OR2C1: variants seen among roughly 807,000 people sequenced by gnomAD.
OR2C1 encodes olfactory receptor family 2 subfamily C member 1, also known as olfactory receptor 2C1.
For missense variants in OR2C1, 468 were observed against 388.3 expected (o/e 1.21, Z -1.73); for synonymous variants, 209 against 167.3 (o/e 1.25, Z -1.92).
the OR2C1 span, among the ~76,000 whole-genome samples, chr16:3,348,530 A>G: frequency 6.6e-6 from 1 of 152,098 alleles, no homozygotes; most frequent in African/African-American, 2.4e-5. Flanking sequence ...ATGTTTATAA[A>G]CCGCTGGGCA....
the OR2C1 span, among the ~76,000 whole-genome samples, chr16:3,338,740 G>C: frequency 1.3e-5 from 2 of 151,848 alleles, no homozygotes; most frequent in East Asian, 3.9e-4. Context: ...GGTTTCACGT[G>C]TTAGCCAGGA....
the OR2C1 span, among the ~76,000 whole-genome samples, chr16:3,344,756 AG>A: frequency 6.6e-6 from 1 of 151,954 alleles, no homozygotes; most frequent in Non-Finnish European, 1.5e-5. Flanking sequence ...GATTATACTA[AG>A]TGTTGGGTAG....
chr16:3,346,344 C>G, the OR2C1 span, among the ~76,000 whole-genome samples: 1 of 152,022 alleles, frequency 6.6e-6, no homozygotes, highest in Non-Finnish European at 1.5e-5. Flanking sequence ...AAAAGGTAAC[C>G]AACCTTAAAG....
the OR2C1 span, among the ~76,000 whole-genome samples, chr16:3,327,970 C>A: frequency 5.9e-5 from 9 of 152,066 alleles, no homozygotes; most frequent in African/African-American, 2.2e-4. Flanking sequence ...TTTGACCATC[C>A]CATTTGGGTA....
At chr16:3,323,626 A>T in the OR2C1 span, 1 of 722,244 alleles carries the variant, frequency 1.4e-6, no homozygotes, top group Non-Finnish European at 2.5e-6. Flanking sequence ...GCACCAGTAG[A>T]CTCACGCCAA....
upstream of OR2C1, among the ~76,000 whole-genome samples, chr16:3,355,369 A>C (rs1567286049): frequency 7.0e-6 from 1 of 143,224 alleles, no homozygotes; most frequent in Non-Finnish European, 1.5e-5. Flanking sequence ...GAGGCAGGAG[A>C]ATTGCTTGCA....
At chr16:3,352,539 A>T (rs1161829286), upstream of OR2C1, among the ~76,000 whole-genome samples, 11 of 152,176 alleles carry the variant, frequency 7.2e-5, no homozygotes, top group Admixed American at 7.2e-4. Context: ...ACATAAATTT[A>T]CTATTAACTA....
the OR2C1 span, among the ~76,000 whole-genome samples, chr16:3,330,816 A>G: frequency 6.6e-6 from 1 of 152,166 alleles, no homozygotes; most frequent in Non-Finnish European, 1.5e-5. Context: ...GTCACAGCTC[A>G]CTGCCATTTC....
chr16:3,326,768 C>A, the OR2C1 span, among the ~76,000 whole-genome samples: 1 of 152,320 alleles, frequency 6.6e-6, no homozygotes, highest in Middle Eastern at 3.4e-3. Context: ...AAATCCAGCT[C>A]TTGCTGGATG....
chr16:3,356,529 G>T lies in OR2C1; in HGVS notation c.589G>T (p.Ala197Ser). Reference protein sequence around the residue: ...LACGDTSLNQAVLNGVCTFFT... With the variant: ...LACGDTSLNQSVLNGVCTFFT... Reference sequence around the variant, plus strand: ...CTGTGGCGACACAAGTCTCAACCAGGCTGTGCTCAATGGTGTCTGCACCTT... The same window carrying T: ...CTGTGGCGACACAAGTCTCAACCAGTCTGTGCTCAATGGTGTCTGCACCTT... Residue 197 changes from alanine to serine, a missense_variant, in exon 1 of 1, where the codon GCT becomes TCT. Coordinates refer to ENST00000304936, the MANE Select transcript of OR2C1 (RefSeq NM_012368.3). The T allele has an allele frequency of 1.2e-6, 2 of 1,614,136 alleles. No homozygotes were observed. Among genetic ancestry groups the T allele is most frequent in the Admixed American group, 3.3e-5 (2 of 60,026 alleles).
At chr16:3,342,346 A>T in the OR2C1 span, among the ~76,000 whole-genome samples, 1 of 152,240 alleles carries the variant, frequency 6.6e-6, no homozygotes, top group African/African-American at 2.4e-5. Flanking sequence ...TGTTCAAAAA[A>T]GGTCAACATA....
Position 3,356,711 on chromosome 16 carries a change from T to C in OR2C1, c.771T>C (p.Tyr257=). Residue 257 remains tyrosine, a synonymous_variant, in exon 1 of 1, where the codon TAT becomes TAC. Coordinates refer to ENST00000304936, the MANE Select transcript of OR2C1 (RefSeq NM_012368.3). ...VVFLFYGSAS[Y]GYLLPAKNSK... is the part of the protein sequence containing the mutation. ...TCCTCTTCTATGGCTCAGCCAGCTA[T>C]GGGTATCTGCTTCCGGCCAAGAACA... The C allele has an allele frequency of 2.5e-6, 4 of 1,614,186 alleles. No individual in the cohort carries two copies. Among genetic ancestry groups the C allele is most frequent in the Non-Finnish European group, 3.4e-6 (4 of 1,180,026 alleles).
chr16:3,329,476 G>C, the OR2C1 span, among the ~76,000 whole-genome samples: 1 of 152,214 alleles, frequency 6.6e-6, no homozygotes, highest in East Asian at 1.9e-4. Flanking sequence ...TTGAGACAGA[G>C]TCTCGCTCTG....
upstream of OR2C1, among the ~76,000 whole-genome samples, chr16:3,355,406 C>T (rs769769201): frequency 5.6e-5 from 8 of 142,194 alleles, no homozygotes; most frequent in East Asian, 2.2e-4. Flanking sequence ...TGCAATGAGC[C>T]GAGATTGCAC....
At chr16:3,342,770 G>C in the OR2C1 span, among the ~76,000 whole-genome samples, 14 of 152,170 alleles carry the variant, frequency 9.2e-5, no homozygotes, top group African/African-American at 3.4e-4. Context: ...CCAGTTACTC[G>C]GGAGGCTGAG....
chr16:3,336,651 A>G, the OR2C1 span, among the ~76,000 whole-genome samples: 110,550 of 145,662 alleles, frequency 0.76, 41,945 homozygotes, highest in South Asian at 0.82. Flanking sequence ...GCGAGCTACC[A>G]CACCCGGCCC....
the OR2C1 span, among the ~76,000 whole-genome samples, chr16:3,328,722 C>T: frequency 6.6e-6 from 1 of 152,172 alleles, no homozygotes; most frequent in African/African-American, 2.4e-5. Flanking sequence ...AAATCAGAAG[C>T]ATACCACGTT....
upstream of OR2C1, among the ~76,000 whole-genome samples, chr16:3,352,444 T>C (rs7204571): frequency 0.5 from 76,174 of 152,010 alleles, 19,891 homozygotes; most frequent in East Asian, 0.78. Context: ...CTTATGATGT[T>C]TTAATGTTTT....
At chr16:3,334,501 C>G in the OR2C1 span, among the ~76,000 whole-genome samples, 1 of 147,646 alleles carries the variant, frequency 6.8e-6, no homozygotes, top group South Asian at 2.2e-4. Context: ...TGGTCTCGAA[C>G]TCCTGGACTC....
Sources: allele counts gnomAD v4.1 joint callset (sites outside exome capture counted in the v4.1 genomes callset), GRCh38; gene constraint gnomAD v4.1.1; transcripts MANE v1.5; gene names NCBI Gene and HGNC (gene_info 2026-07-23, HGNC 2026-07-21).